Variants in MAP7 observed in about 807,000 individuals in gnomAD.
MAP7 encodes ensconsin.
MAP7 carries 52 observed loss-of-function variants against 94.8 expected under a neutral mutation model. The observed-to-expected ratio is 0.55, with a 90% CI of 0.44 to 0.69. The LOEUF is 0.69. Among genes scored for constraint, MAP7 ranks in the 30% least tolerant of loss-of-function variants. The pLI is 0.00. For synonymous variants in MAP7, 350 were observed against 357.0 expected (o/e 0.98, Z 0.22); for missense variants, 940 against 964.6 (o/e 0.97, Z 0.34).
chr6:136,457,327 G>A (rs1197307660), intron 1 of MAP7, among the ~76,000 whole-genome samples: 9 of 147,820 alleles, frequency 6.1e-5, no homozygotes, highest in Admixed American at 2.7e-4. Context: ...AAAAAATCCC[G>A]CCCCCATCCC....
At chr6:136,504,633 C>G (rs576030876) in intron 1 of MAP7, among the ~76,000 whole-genome samples, 1 of 151,886 alleles carries the variant, frequency 6.6e-6, no homozygotes, top group African/African-American at 2.4e-5. Context: ...CCTGAGCCAC[C>G]GCATCCAGCC....
chr6:136,545,232 T>C (rs1829636867), intron 1 of MAP7: 1 of 151,894 alleles, frequency 6.6e-6, no homozygotes, highest in Non-Finnish European at 1.5e-5. Flanking sequence ...CCTTCATTGA[T>C]CTCCAGAGAT....
chr6:136,400,775 T>G (rs1347031871), intron 3 of MAP7, among the ~76,000 whole-genome samples: 1 of 152,228 alleles, frequency 6.6e-6, no homozygotes, highest in African/African-American at 2.4e-5. Context: ...AAGCTTGTAC[T>G]CAGTCACTCT....
intron 1 of MAP7, among the ~76,000 whole-genome samples, chr6:136,546,974 C>G (rs1306523703): frequency 2.0e-5 from 3 of 152,114 alleles, no homozygotes; most frequent in African/African-American, 4.8e-5. Flanking sequence ...TCCTACTTAG[C>G]AAGATGTAAA....
intron 1 of MAP7, among the ~76,000 whole-genome samples, chr6:136,545,730 TA>T (rs1394999604): frequency 6.6e-6 from 1 of 151,452 alleles, no homozygotes; most frequent in Non-Finnish European, 1.5e-5. Context: ...TTTAAAAGTT[TA>T]TTTTTTTATT....
intron 16 of MAP7, among the ~76,000 whole-genome samples, chr6:136,346,316 G>A (rs1486507869): frequency 4.6e-5 from 7 of 152,048 alleles, no homozygotes; most frequent in South Asian, 4.2e-4. Context: ...TAATCCTAGC[G>A]CTTTGGGAGG....
chr6:136,420,661 A>G (rs1791017521), intron 2 of MAP7, among the ~76,000 whole-genome samples: 3 of 152,212 alleles, frequency 2.0e-5, no homozygotes, highest in Admixed American at 1.3e-4. Flanking sequence ...TTGACTGACT[A>G]AGGAAATCTC....
In MAP7 at chr6:136,534,959, G is replaced by A. The variant is rs568591189; in HGVS notation, c.67+15383C>T. 9.9e-5 allele frequency among the ~76,000 whole-genome samples: 15 copies of A among 152,240 alleles called. No individual in the cohort carries two copies. In the East Asian group the frequency reaches 1.7e-3, roughly 18 times the overall value. ...CGTACATGGGGATGGAGAGAGGGTT[G>A]GATAAAACGCTTTTCATGAGAAAAG... On this transcript the variant is annotated intron_variant, in intron 1 of 17. Coordinates refer to ENST00000354570, the MANE Select transcript of MAP7 (RefSeq NM_003980.6).
chr6:136,388,534 G>A, intron 4 of MAP7, 24 bp from the exon 5 acceptor site: 1 of 1,576,740 alleles, frequency 6.3e-7, no homozygotes, highest in Non-Finnish European at 8.7e-7. Flanking sequence ...GAAGAGCTGA[G>A]GATTAGATTC....
intron 3 of MAP7, among the ~76,000 whole-genome samples, chr6:136,404,261 A>G (rs1027355870): frequency 7.2e-5 from 11 of 152,194 alleles, no homozygotes; most frequent in Admixed American, 6.5e-4. Context: ...ATGACCATTT[A>G]TCTCTTGACC....
chr6:136,351,948 C>T (rs1232002417), intron 16 of MAP7, among the ~76,000 whole-genome samples: 1 of 152,176 alleles, frequency 6.6e-6, no homozygotes, highest in Non-Finnish European at 1.5e-5. Context: ...CCAGCACCCC[C>T]ACTGGGGCAG....
chr6:136,423,782 G>GTTTTTTTTTTTTTT, intron 1 of MAP7, among the ~76,000 whole-genome samples: 1 of 136,122 alleles, frequency 7.3e-6, no homozygotes, highest in Non-Finnish European at 1.5e-5. Context: ...AGGGAGTTGT[G>GTTTTTTTTTTTTTT]TTTTTTTTTT....
chr6:136,454,860 C>T (rs1025479253), intron 1 of MAP7, among the ~76,000 whole-genome samples: 4 of 152,000 alleles, frequency 2.6e-5, no homozygotes, highest in African/African-American at 9.7e-5. Flanking sequence ...GATCATGCCA[C>T]TGCACACCTG....
intron 1 of MAP7, among the ~76,000 whole-genome samples, chr6:136,489,680 A>T (rs527351431): frequency 6.6e-6 from 1 of 152,034 alleles, no homozygotes; most frequent in African/African-American, 2.4e-5. Flanking sequence ...GGCACGTGCC[A>T]CCACATCCAG....
At chr6:136,534,317 C>G (rs1828711338) in intron 1 of MAP7, among the ~76,000 whole-genome samples, 1 of 152,228 alleles carries the variant, frequency 6.6e-6, no homozygotes, top group African/African-American at 2.4e-5. Context: ...AGTCTTAAGG[C>G]AGACTTCCTC....
At chr6:136,509,603 G>C (rs1822620475) in intron 1 of MAP7, among the ~76,000 whole-genome samples, 1 of 152,104 alleles carries the variant, frequency 6.6e-6, no homozygotes, top group Non-Finnish European at 1.5e-5. Flanking sequence ...CTGTTGCACA[G>C]GCTGGAGTGC....
intron 1 of MAP7, among the ~76,000 whole-genome samples, chr6:136,447,426 G>C (rs924721715): frequency 7.2e-5 from 11 of 152,070 alleles, no homozygotes; most frequent in African/African-American, 2.7e-4. Context: ...TCCATTTTAT[G>C]TTCCAACTTT....
At chr6:136,462,445 A>G (rs1178998680) in intron 1 of MAP7, among the ~76,000 whole-genome samples, 1 of 152,156 alleles carries the variant, frequency 6.6e-6, no homozygotes, top group African/African-American at 2.4e-5. Context: ...CATACACAGC[A>G]GATTTTATGT....
chr6:136,359,104 T>C (rs980271216), intron 15 of MAP7, among the ~76,000 whole-genome samples: 6 of 152,194 alleles, frequency 3.9e-5, no homozygotes, highest in African/African-American at 1.4e-4. Flanking sequence ...TAATTTAATC[T>C]GAGTATTAAG....
Sources: allele counts gnomAD v4.1 joint callset (sites outside exome capture counted in the v4.1 genomes callset), GRCh38; gene constraint gnomAD v4.1.1; transcripts MANE v1.5; gene names NCBI Gene and HGNC (gene_info 2026-07-23, HGNC 2026-07-21).